TRIP12: variants seen among roughly 807,000 people sequenced by gnomAD.
TRIP12 encodes E3 ubiquitin-protein ligase TRIP12.
Under a neutral mutation model 244.2 loss-of-function variants are expected in TRIP12, and 25 were observed. That is an observed-to-expected ratio of 0.10 (90% CI 0.07 to 0.14). The LOEUF is 0.14. Among genes scored for constraint, TRIP12 ranks in the 10% least tolerant of loss-of-function variants. The pLI, the probability that TRIP12 is intolerant of heterozygous loss-of-function variation, is 1.00. For missense variants in TRIP12, 1,677 were observed against 2,486.4 expected (o/e 0.67, Z 6.92); for synonymous variants, 905 against 873.1 (o/e 1.04, Z -0.64).
chr2:229,837,266 A>G (rs1043183737), intron 5 of TRIP12, among the ~76,000 whole-genome samples: 2 of 152,238 alleles, frequency 1.3e-5, no homozygotes, highest in African/African-American at 4.8e-5. Context: ...ACTAAAAAGA[A>G]AAGTGACTCT....
intron 1 of TRIP12, among the ~76,000 whole-genome samples, chr2:229,918,275 C>T (rs1441613260): frequency 6.6e-6 from 1 of 152,120 alleles, no homozygotes; most frequent in Non-Finnish European, 1.5e-5. Context: ...GTCAAACAGG[C>T]AATTGCAAGG....
chr2:229,867,171 G>GTTTTTTTTTTTTTT (rs11335613), intron 2 of TRIP12, among the ~76,000 whole-genome samples: 1 of 123,534 alleles, frequency 8.1e-6, no homozygotes, highest in Non-Finnish European at 1.6e-5. Context: ...TTGTTTGTTT[G>GTTTTTTTTTTTTTT]TTTTTTTTTT....
chr2:229,854,809 C>T (rs1237588990), intron 4 of TRIP12, among the ~76,000 whole-genome samples: 1 of 152,216 alleles, frequency 6.6e-6, no homozygotes, highest in African/African-American at 2.4e-5. Context: ...TGAGCTTGCC[C>T]TATCTGTTCA....
At chr2:229,860,751 G>C (rs533613942) in intron 2 of TRIP12, among the ~76,000 whole-genome samples, 5 of 152,070 alleles carry the variant, frequency 3.3e-5, no homozygotes, top group African/African-American at 7.2e-5. Context: ...ATACCGAAGA[G>C]TTTATTATCA....
At chr2:229,847,574 G>A (rs1047523380) in intron 4 of TRIP12, among the ~76,000 whole-genome samples, 3 of 152,224 alleles carry the variant, frequency 2.0e-5, no homozygotes, top group African/African-American at 7.2e-5. Flanking sequence ...TTTAGGAGAT[G>A]AAAACCAGAA....
At chr2:229,831,887 G>GGT (rs1553657451) in intron 6 of TRIP12, among the ~76,000 whole-genome samples, 1 of 136,766 alleles carries the variant, frequency 7.3e-6, no homozygotes, top group South Asian at 2.3e-4. Context: ...TGTTTTTTGG[G>GGT]TTTTTTTTTT....
chr2:229,804,135 C>T lies in TRIP12; in HGVS notation c.2743G>A (p.Gly915Ser), dbSNP rs2045212725. ...LAKSFIKTLF[G>S]VLYEVYSSSA... Reference sequence around the variant, plus strand: ...GAACTATACACTTCATAAAGAACACCAAATAATGTCTTAATAAAAGACTTA... The same window carrying T: ...GAACTATACACTTCATAAAGAACACTAAATAATGTCTTAATAAAAGACTTA... The change falls in exon 19 of 42, where the codon GGT becomes AGT. Residue 915 changes from glycine to serine, a missense_variant. Gly to Ser is a moderately conservative substitution (Grantham distance 56, BLOSUM62 0). Transcript: ENST00000675903. 1 of 1,614,022 alleles carries T rather than the reference C, an allele frequency of 6.2e-7. No homozygotes were observed. The highest frequency in any genetic ancestry group is 8.5e-7 in the Non-Finnish European group (1 of 1,179,976).
chr2:229,771,671 TCAA>T (rs2034385413), intron 38 of TRIP12, 39 bp from the exon 39 acceptor site: 1 of 1,486,122 alleles, frequency 6.7e-7, no homozygotes, highest in Non-Finnish European at 9.4e-7. Context: ...TGACAAGATT[TCAA>T]ATCTCTTTAC....
chr2:229,785,748 C>G lies in TRIP12; in HGVS notation c.5094+9G>C, dbSNP rs376457253. ...AAGCTAAATAACCATCACCAGACTCCAAGCTCACCTCATTTTCATACTGGA... is the reference window on the plus strand; with the variant it reads ...AAGCTAAATAACCATCACCAGACTCGAAGCTCACCTCATTTTCATACTGGA... On this transcript the variant is annotated intron_variant, in intron 34 of 41. Transcript: ENST00000675903. The G allele has an allele frequency of 6.2e-7, 1 of 1,612,500 alleles. No individual in the cohort carries two copies. Among genetic ancestry groups the G allele is most frequent in the Non-Finnish European group, 8.5e-7 (1 of 1,179,332 alleles).
chr2:229,899,384 A>G lies in TRIP12; in HGVS notation c.-49-19256T>C, dbSNP rs554501918. Among the ~76,000 whole-genome samples the G allele has an allele frequency of 3.3e-5, 5 of 152,358 alleles. No homozygotes were observed. In the East Asian group the frequency reaches 5.8e-4, roughly 18 times the overall value. Reference sequence around the variant, plus strand: ...TCCTCAGGTGGAAAAAAAATCAGGAAAACCAGCAAGAATGAGCTAGAATAA... The same window carrying G: ...TCCTCAGGTGGAAAAAAAATCAGGAGAACCAGCAAGAATGAGCTAGAATAA... On this transcript the variant is annotated intron_variant, in intron 1 of 41. Transcript: ENST00000675903.
chr2:229,785,694 C>G (rs2039802926), intron 34 of TRIP12, 63 bp downstream of exon 34: 1 of 1,470,616 alleles, frequency 6.8e-7, no homozygotes, highest in Non-Finnish European at 9.3e-7. Context: ...CCAAGAAACT[C>G]AAATAACATT....
intron 13 of TRIP12, among the ~76,000 whole-genome samples, chr2:229,812,012 T>C (rs2047365449): frequency 6.6e-6 from 1 of 152,238 alleles, no homozygotes; most frequent in South Asian, 2.1e-4. Flanking sequence ...AAGAATATCA[T>C]ATGGAACTGA....
chr2:229,769,472 AAT>A, intron 39 of TRIP12, 147 bp from the exon 40 acceptor site: 1 of 403,668 alleles, frequency 2.5e-6, no homozygotes, highest in Non-Finnish European at 4.2e-6. Flanking sequence ...AAAAAAAAAT[AAT>A]AATAAAATAA....
chr2:229,890,083 T>C (rs941389849), intron 1 of TRIP12, among the ~76,000 whole-genome samples: 2 of 82,362 alleles, frequency 2.4e-5, no homozygotes, highest in Admixed American at 2.7e-4. Flanking sequence ...GTTAACTCTT[T>C]TTTTTTTTTT....
intron 8 of TRIP12, among the ~76,000 whole-genome samples, chr2:229,824,478 A>C (rs2050952412): frequency 6.6e-6 from 1 of 152,220 alleles, no homozygotes; most frequent in African/African-American, 2.4e-5. Context: ...GCTTGAAAAA[A>C]TACGAAAGCT....
At chr2:229,869,403 A>G (rs1199735751) in intron 2 of TRIP12, among the ~76,000 whole-genome samples, 23 of 152,200 alleles carry the variant, frequency 1.5e-4, no homozygotes. Context: ...GAAAGGAATT[A>G]ATGAGACCAC....
intron 6 of TRIP12, among the ~76,000 whole-genome samples, chr2:229,835,125 A>C (rs1187589558): frequency 2.0e-5 from 3 of 152,230 alleles, no homozygotes; most frequent in Non-Finnish European, 4.4e-5. Context: ...TTCCCCATAA[A>C]TACTTTCATG....
rs182104151 is a variant in TRIP12, at chr2:229,851,220, A to T, written c.1027+7552T>A. Among the ~76,000 whole-genome samples the T allele has an allele frequency of 1.2e-4, 19 of 152,266 alleles. No homozygotes were observed. The East Asian group carries it at 3.5e-3, about 28-fold the overall frequency. ...CGTGGAGAACCTTTATGTCTAGCTCAGGGATTGTAAATCGGCACTCTGTAT... is the reference window on the plus strand; with the variant it reads ...CGTGGAGAACCTTTATGTCTAGCTCTGGGATTGTAAATCGGCACTCTGTAT... On this transcript the variant is annotated intron_variant, in intron 4 of 41. Coordinates refer to ENST00000675903, the MANE Select transcript of TRIP12 (RefSeq NM_001348323.3).
intron 19 of TRIP12, 88 bp from the exon 20 acceptor site, chr2:229,803,777 T>C: frequency 9.8e-7 from 1 of 1,019,598 alleles, no homozygotes. Flanking sequence ...GAGCAAAGCA[T>C]TTTCATTGTG....
Sources: gnomAD v4.1 joint callset for allele counts (sites outside exome capture counted in the v4.1 genomes callset) on GRCh38, gnomAD v4.1.1 for gene constraint, MANE v1.5 for transcripts, NCBI Gene and HGNC (gene_info 2026-07-23, HGNC 2026-07-21) for gene names.